The following USP13 variants were observed in gnomAD, a reference collection of about 807,000 sequenced individuals.
USP13 encodes the protein ubiquitin specific peptidase 13.
USP13 carries 68 observed loss-of-function variants against 107.8 expected under a neutral mutation model. The ratio of observed to expected loss-of-function variants is 0.63; its 90% CI spans 0.52 to 0.77. The LOEUF (loss-of-function observed/expected upper bound fraction) is 0.77, where lower values mean the gene tolerates loss of function less well. Ranked by LOEUF, USP13 falls within the 30% of genes least tolerant of loss-of-function variation. The pLI, the probability that USP13 is intolerant of heterozygous loss-of-function variation, is 0.00. For missense variants in USP13, 945 were observed against 1,093.3 expected, an observed-to-expected ratio of 0.86 and a Z score of 1.91; for synonymous variants, 377 against 389.5, an observed-to-expected ratio of 0.97 and a Z score of 0.38.
chr3:179,770,034 A>G (rs1453357758), intron 19 of USP13, among the ~76,000 whole-genome samples: 3 of 152,278 alleles, frequency 2.0e-5, no homozygotes, highest in South Asian at 2.1e-4. Context: ...GGTTTCCCCA[A>G]CGTTCCCCAG....
intron 2 of USP13, 134 bp from the exon 3 acceptor site, chr3:179,690,107 T>A (rs1712060703): frequency 1.3e-6 from 1 of 772,736 alleles, no homozygotes; most frequent in South Asian, 2.2e-5. Flanking sequence ...CTGTTTATCC[T>A]GGAATTGCTA....
chr3:179,716,722 C>T (rs184657387), intron 6 of USP13, among the ~76,000 whole-genome samples: 7 of 152,260 alleles, frequency 4.6e-5, no homozygotes, highest in African/African-American at 1.7e-4. Context: ...TCTTCTCATT[C>T]AGAGATTACA....
At chr3:179,693,969 A>G (rs1273670884) in intron 3 of USP13, among the ~76,000 whole-genome samples, 2 of 150,256 alleles carry the variant, frequency 1.3e-5, no homozygotes, top group Middle Eastern at 3.5e-3. Context: ...GTGAACCACC[A>G]CACCTGGCCT....
chr3:179,716,385 C>T (rs780467703), intron 6 of USP13, among the ~76,000 whole-genome samples: 1 of 152,206 alleles, frequency 6.6e-6, no homozygotes, highest in Non-Finnish European at 1.5e-5. Flanking sequence ...AGACCCTTCA[C>T]ACCAAACCAG....
At chr3:179,709,455 G>A (rs1474572963) in intron 6 of USP13, among the ~76,000 whole-genome samples, 53 of 152,178 alleles carry the variant, frequency 3.5e-4, no homozygotes, top group Non-Finnish European at 2.9e-5. Context: ...CATTAAAAGA[G>A]TCCCTGAAAT....
chr3:179,738,823 C>T (rs1412813062), intron 10 of USP13, among the ~76,000 whole-genome samples: 4 of 152,200 alleles, frequency 2.6e-5, no homozygotes, highest in Admixed American at 2.0e-4. Flanking sequence ...GTGTCAGCAT[C>T]TAATTTTGTT....
At chr3:179,682,557 C>T (rs7629853) in intron 2 of USP13, among the ~76,000 whole-genome samples, 25,213 of 152,110 alleles carry the variant, frequency 0.17, 2,253 homozygotes, top group Non-Finnish European at 0.18. Flanking sequence ...TGCTATCATA[C>T]GCCTAACTAT....
intron 1 of USP13, among the ~76,000 whole-genome samples, chr3:179,675,112 T>C (rs1043047591): frequency 2.6e-5 from 4 of 151,784 alleles, no homozygotes; most frequent in African/African-American, 9.7e-5. Flanking sequence ...GAGGTGGAGT[T>C]TGCAGTGAGC....
At chr3:179,729,142 A>C (rs1210085683) in intron 8 of USP13, among the ~76,000 whole-genome samples, 1 of 152,188 alleles carries the variant, frequency 6.6e-6, no homozygotes, top group East Asian at 1.9e-4. Context: ...CATTGGACTC[A>C]ACTCTGATTC....
intron 13 of USP13, among the ~76,000 whole-genome samples, chr3:179,747,577 C>T (rs1340651660): frequency 6.6e-6 from 1 of 152,198 alleles, no homozygotes; most frequent in Non-Finnish European, 1.5e-5. Flanking sequence ...TAGGAAGCAG[C>T]CTTTTCAACA....
At chr3:179,694,832 G>C (rs1300535890) in intron 3 of USP13, among the ~76,000 whole-genome samples, 1 of 137,518 alleles carries the variant, frequency 7.3e-6, no homozygotes, top group South Asian at 2.3e-4. Flanking sequence ...AAGAAACAAA[G>C]AAAAGAGGAG....
intron 6 of USP13, among the ~76,000 whole-genome samples, chr3:179,717,479 G>A (rs757574444): frequency 6.6e-5 from 10 of 152,204 alleles, no homozygotes; most frequent in Non-Finnish European, 1.5e-4. Flanking sequence ...GAGCCTAATG[G>A]GTTACGAACT....
chr3:179,712,896 T>G (rs887425888), intron 6 of USP13, among the ~76,000 whole-genome samples: 83 of 152,276 alleles, frequency 5.5e-4, no homozygotes, highest in African/African-American at 1.9e-3. Context: ...TTTGCTAATC[T>G]GGTATCTTGT....
intron 4 of USP13, among the ~76,000 whole-genome samples, chr3:179,705,993 G>A (rs945913934): frequency 7.2e-5 from 11 of 152,150 alleles, no homozygotes; most frequent in African/African-American, 2.4e-4. Flanking sequence ...AAAGTGCTAG[G>A]ATTACAGGTG....
rs1560070649 is a variant in USP13, at chr3:179,742,402, C to G, written c.1534+52C>G. On this transcript the variant is annotated intron_variant, in intron 12 of 20. Transcript: ENST00000263966. This position sits in a 1 kb window ranked among gnomAD's most constrained non-coding sequence, Gnocchi z 5.0. ...TACTGTGTGTCTTCATATGGGAAAA[C>G]CCTCAAATCAGAGAGAATGGTTTAG... The G allele has an allele frequency of 6.2e-7, 1 of 1,606,620 alleles. No individual in the cohort carries two copies. Among genetic ancestry groups the G allele is most frequent in the East Asian group, 2.2e-5 (1 of 44,622 alleles).
chr3:179,665,405 T>C (rs1443900528), intron 1 of USP13, among the ~76,000 whole-genome samples: 2 of 152,228 alleles, frequency 1.3e-5, no homozygotes, highest in African/African-American at 4.8e-5. Context: ...TTAATTATGA[T>C]AGTAATTGGC....
intron 19 of USP13, among the ~76,000 whole-genome samples, chr3:179,770,303 C>G (rs188361576): frequency 6.6e-6 from 1 of 152,176 alleles, no homozygotes; most frequent in Non-Finnish European, 1.5e-5. Context: ...CTAACTCTTG[C>G]AAAGCTGTAT....
At position 179,653,538 on chromosome 3, in the gene USP13, C is replaced by T. The variant is rs1232004513; in HGVS notation, c.168+145C>T. The T allele has an allele frequency of 5.0e-6, 6 of 1,188,478 alleles. No individual in the cohort carries two copies. The highest frequency in any genetic ancestry group is 2.7e-5 in the East Asian group (1 of 37,020). 73.6% of individuals were successfully genotyped at this position (1,188,478 alleles called of 1,614,324 possible). ...CTCAGGAACACTGCAGTTCGGCAGA[C>T]ACTTAGTGAGCGCCCCAGGGCTGCT... On this transcript the variant is annotated intron_variant, in intron 1 of 20. Coordinates refer to ENST00000263966, the MANE Select transcript of USP13 (RefSeq NM_003940.3). The surrounding 1 kb of genome is among the most constrained non-coding windows in gnomAD (Gnocchi z 4.0).
chr3:179,710,749 T>C (rs1712893791), intron 6 of USP13, among the ~76,000 whole-genome samples: 1 of 152,218 alleles, frequency 6.6e-6, no homozygotes, highest in South Asian at 2.1e-4. Flanking sequence ...CATAGCCTCC[T>C]TCACAACCAA....
Sources: allele counts gnomAD v4.1 joint callset (sites outside exome capture counted in the v4.1 genomes callset), GRCh38; gene constraint gnomAD v4.1.1; non-coding constraint Gnocchi (gnomAD v3.1); transcripts MANE v1.5; gene names NCBI Gene and HGNC (gene_info 2026-07-23, HGNC 2026-07-21).